Variants in GCFC2 observed in about 807,000 individuals in gnomAD.
GCFC2 encodes intron Large complex component GCFC2.
In GCFC2, 102 loss-of-function variants were observed where a neutral mutation model predicts 99.4. The observed-to-expected ratio is 1.03, with a 90% CI of 0.87 to 1.21. The LOEUF (loss-of-function observed/expected upper bound fraction) is 1.21. Ranked by LOEUF, GCFC2 falls within the 50% of genes most tolerant of loss-of-function variation. The probability of loss-of-function intolerance (pLI) is 0.00; values close to 1 mark genes in which losing one functional copy is unlikely to be tolerated. For synonymous variants in GCFC2, 338 were observed against 316.8 expected (o/e 1.07, Z -0.71); for missense variants, 973 against 920.9 (o/e 1.06, Z -0.73).
At chr2:75,711,030 A>C, upstream of GCFC2, 2 of 1,335,100 alleles carry the variant, frequency 1.5e-6, no homozygotes, top group South Asian at 2.0e-5. Flanking sequence ...GGCTCCCTGG[A>C]TCTGGTAGGC....
At chr2:75,710,480 G>A in intron 1 of GCFC2, 111 bp downstream of exon 1, 1 of 1,391,812 alleles carries the variant, frequency 7.2e-7, no homozygotes. Flanking sequence ...ACTCAGCATG[G>A]CTTGTGGTCG....
chr2:75,700,524 C>A (rs114006932), intron 4 of GCFC2, among the ~76,000 whole-genome samples: 2,007 of 151,996 alleles, frequency 0.013, 45 homozygotes, highest in African/African-American at 0.046. Flanking sequence ...GTGAAAAAAA[C>A]AGTCTCCAAA....
At chr2:75,673,178 C>T (rs189661952) in intron 13 of GCFC2, among the ~76,000 whole-genome samples, 458 of 152,172 alleles carry the variant, frequency 3.0e-3, no homozygotes, top group Middle Eastern at 6.8e-3. Flanking sequence ...GGCGTGGTGG[C>T]GGGCGCCTGT....
chr2:75,666,930 T>A (rs1488622592), intron 15 of GCFC2, among the ~76,000 whole-genome samples: 1 of 152,180 alleles, frequency 6.6e-6, no homozygotes, highest in Non-Finnish European at 1.5e-5. Flanking sequence ...AGTGCTTGTA[T>A]ATATTTAAAG....
At position 75,671,968 on chromosome 2, in the gene GCFC2, C is replaced by T; in HGVS notation, c.1938G>A (p.Gln646=). 6.3e-7 allele frequency: 1 copy of T among 1,589,174 alleles called. No individual in the cohort carries two copies. Among genetic ancestry groups the T allele is most frequent in the Middle Eastern group, 1.7e-4 (1 of 5,966 alleles). The change falls in exon 14 of 17, where the codon CAG becomes CAA. Residue 646 remains glutamine, a synonymous_variant. Transcript: ENST00000321027. ...TGCTCACCTTTAGGCCTGACCAGAA[C>T]TGTCTTTCTTGGAACTTTGAATGAG... ...TSPHSKFQER[Q]FWSGLKLFRN...
chr2:75,710,144 A>G (rs1313967631), intron 1 of GCFC2, among the ~76,000 whole-genome samples: 2 of 152,252 alleles, frequency 1.3e-5, no homozygotes, highest in Non-Finnish European at 2.9e-5. Context: ...GGAATGTCCC[A>G]AAACCTAGAT....
chr2:75,687,368 A>G (rs1195748491), intron 11 of GCFC2, among the ~76,000 whole-genome samples: 1 of 152,112 alleles, frequency 6.6e-6, no homozygotes, highest in Non-Finnish European at 1.5e-5. Context: ...GAATGCCACA[A>G]ACACTAAACT....
chr2:75,672,394 C>T (rs1399893622), intron 13 of GCFC2, among the ~76,000 whole-genome samples: 1 of 149,822 alleles, frequency 6.7e-6, no homozygotes, highest in East Asian at 1.9e-4. Context: ...TAATATATCA[C>T]ATTCATACAT....
Position 75,687,982 on chromosome 2 carries a change from C to G in GCFC2, c.1540-5G>C, listed in dbSNP as rs776105135. 4.5e-5 allele frequency: 69 copies of G among 1,532,554 alleles called. 1 individual carries two copies. In the Admixed American group the frequency reaches 1.5e-3, roughly 34 times the overall value. The allele number at this position is 1,532,554 out of a possible 1,614,324, so 94.9% of individuals were successfully genotyped here. The stretch of plus-strand genomic sequence containing the variant: ...TTTTAAACCTGTGGATTCCAACTTA[C>G]AAAGAAAATTACAAAAGTTATAAAG... On this transcript the variant is annotated splice_region_variant and splice_polypyrimidine_tract_variant and intron_variant, in intron 10 of 16. Coordinates refer to ENST00000321027, the MANE Select transcript of GCFC2 (RefSeq NM_003203.5).
chr2:75,692,046 C>A lies in GCFC2; in HGVS notation c.1075G>T (p.Ala359Ser). The A allele has an allele frequency of 6.4e-7, 1 of 1,553,814 alleles. No homozygotes were observed. The highest frequency in any genetic ancestry group is 8.8e-7 in the Non-Finnish European group (1 of 1,139,980). The change falls in exon 7 of 17, where the codon GCT (alanine) becomes TCT (serine). Residue 359 changes from alanine (A) to serine (S), a missense_variant. By Grantham distance (99) the Ala-to-Ser change is moderately conservative. Transcript: ENST00000321027. ...TGCCTGCGTTTCATAAAGGTCATAG[C>A]TTGTTTTAAAAGGAGTGCATGCATG... ...SSMHALLLKQ[A>S]MTFMKRRQDE...
intron 12 of GCFC2, chr2:75,679,724 T>C: frequency 2.5e-6 from 1 of 398,628 alleles, no homozygotes; most frequent in Non-Finnish European, 4.4e-6. Context: ...TTGTCTTCCT[T>C]TAGAAGAAAT....
At chr2:75,699,667 C>G (rs1172181095) in intron 4 of GCFC2, among the ~76,000 whole-genome samples, 1 of 152,120 alleles carries the variant, frequency 6.6e-6, no homozygotes, top group African/African-American at 2.4e-5. Flanking sequence ...CCCAGAACTC[C>G]TGGGCTCAAG....
At chr2:75,691,005 AT>A (rs372247071) in intron 7 of GCFC2, among the ~76,000 whole-genome samples, 33 of 152,274 alleles carry the variant, frequency 2.2e-4, no homozygotes, top group African/African-American at 7.9e-4. Context: ...GTTTTCTCAT[AT>A]TCTTTTCCAG....
chr2:75,710,629 C>T lies in GCFC2; in HGVS notation c.227G>A (p.Arg76His). ...CGCGCGGGGAGCCGCTTTGGTGGCA[C>T]GCCGGGAGCTCGCCCAGACCCGGCC... ...GRGRVWASSR[R>H]ATKAAPRADE... The change falls in exon 1 of 17, where the codon CGT becomes CAT. Residue 76 changes from arginine (R) to histidine (H), a missense_variant. By Grantham distance (29) the Arg-to-His change is conservative. Coordinates refer to ENST00000321027, the MANE Select transcript of GCFC2 (RefSeq NM_003203.5). 6.6e-7 allele frequency: 1 copy of T among 1,516,010 alleles called. No individual in the cohort carries two copies. Among genetic ancestry groups the T allele is most frequent in the Non-Finnish European group, 8.8e-7 (1 of 1,139,014 alleles). 93.9% of individuals were successfully genotyped at this position (1,516,010 alleles called of 1,614,324 possible). A position where few individuals can be genotyped will look rare whatever the true frequency, so the allele number is the denominator to read the frequency against.
At chr2:75,683,689 T>A (rs1480511984) in intron 11 of GCFC2, among the ~76,000 whole-genome samples, 3 of 143,328 alleles carry the variant, frequency 2.1e-5, no homozygotes, top group Non-Finnish European at 3.0e-5. Flanking sequence ...TGTGCTGTAT[T>A]CAGGAGACCC....
chr2:75,690,603 G>A (rs554490751), intron 8 of GCFC2, 35 bp downstream of exon 8: 7 of 954,828 alleles, frequency 7.3e-6, no homozygotes, highest in Non-Finnish European at 1.2e-5. Context: ...CTTGCTCAAT[G>A]ATGCTTTCTT....
chr2:75,706,035 T>C (rs1448551265), intron 2 of GCFC2, among the ~76,000 whole-genome samples: 2 of 152,268 alleles, frequency 1.3e-5, no homozygotes, highest in Admixed American at 1.3e-4. Context: ...AAAACATTCA[T>C]GTCATCTGTA....
At chr2:75,709,649 A>C (rs1364066544) in intron 1 of GCFC2, among the ~76,000 whole-genome samples, 2 of 152,216 alleles carry the variant, frequency 1.3e-5, no homozygotes, top group Admixed American at 6.5e-5. Flanking sequence ...ACTAAAATTA[A>C]TAACAATGCA....
intron 8 of GCFC2, 111 bp downstream of exon 8, chr2:75,690,527 T>G: frequency 2.9e-6 from 2 of 683,310 alleles, no homozygotes; most frequent in South Asian, 3.4e-5. Context: ...TCTTACAAAT[T>G]AATAATGTAT....
Sources: allele counts gnomAD v4.1 joint callset (sites outside exome capture counted in the v4.1 genomes callset), GRCh38; gene constraint gnomAD v4.1.1; transcripts MANE v1.5; gene names NCBI Gene and HGNC (gene_info 2026-07-23, HGNC 2026-07-21).